The following CLDN10 variants were observed in gnomAD, a reference collection of about 807,000 sequenced individuals.
The protein encoded by CLDN10 is claudin-10.
CLDN10 carries 15 observed loss-of-function variants against 22.9 expected under a neutral mutation model. The ratio of observed to expected loss-of-function variants is 0.65; its 90% CI spans 0.44 to 1.01. The LOEUF (loss-of-function observed/expected upper bound fraction) is 1.01, where lower values mean the gene tolerates loss of function less well. CLDN10 is among the 50% of genes least tolerant of loss of function. CLDN10 has a pLI of 0.00. For synonymous variants in CLDN10, 114 were observed against 111.4 expected (o/e 1.02, Z -0.15); for missense variants, 247 against 287.8 (o/e 0.86, Z 1.03).
chr13:95,573,624 G>A (rs563796863), intron 3 of CLDN10, among the ~76,000 whole-genome samples: 1 of 152,184 alleles, frequency 6.6e-6, no homozygotes, highest in Non-Finnish European at 1.5e-5. Context: ...GAACAAACTG[G>A]AGTGGATATT....
At chr13:95,523,558 T>C (rs1197907323) in intron 1 of CLDN10, among the ~76,000 whole-genome samples, 1 of 152,148 alleles carries the variant, frequency 6.6e-6, no homozygotes, top group Admixed American at 6.5e-5. Flanking sequence ...GATCTACTGA[T>C]AGCCAATTAT....
At chr13:95,447,742 CGT>C (rs5805934) in intron 1 of CLDN10, among the ~76,000 whole-genome samples, 50,974 of 147,248 alleles carry the variant, frequency 0.35, 8,605 homozygotes, top group Non-Finnish European at 0.37. Flanking sequence ...AGTGCACATG[CGT>C]GTGTGTGTGT....
chr13:95,554,911 C>T (rs1172894412), intron 1 of CLDN10, among the ~76,000 whole-genome samples: 1 of 152,112 alleles, frequency 6.6e-6, no homozygotes, highest in African/African-American at 2.4e-5. Flanking sequence ...GACTCCATTC[C>T]ACTGAGAAAT....
Position 95,560,413 on chromosome 13 carries a change from T to G in CLDN10, c.414T>G (p.Tyr138Ter), listed in dbSNP as rs1278937296. Residue 138 changes from tyrosine (Y) to a stop codon, truncating the protein, a stop_gained, in exon 3 of 5, where the codon TAT (tyrosine) becomes TAG (stop). Coordinates refer to ENST00000299339, the MANE Select transcript of CLDN10 (RefSeq NM_006984.5). LOFTEE classifies it high-confidence loss of function. The part of the protein sequence containing the change: ...GLCSMTGCSL[Y>*]ANKITTEFFD... ...GCTCAATGACTGGATGTTCCCTATATGCAAACAAAATCACAACGGAATTCT... is the reference window on the plus strand; with the variant it reads ...GCTCAATGACTGGATGTTCCCTATAGGCAAACAAAATCACAACGGAATTCT... The G allele has an allele frequency of 2.5e-6, 4 of 1,613,994 alleles. No homozygotes were observed. The highest frequency in any genetic ancestry group is 3.4e-6 in the Non-Finnish European group (4 of 1,179,950).
chr13:95,439,900 T>C lies in CLDN10; in HGVS notation c.214+5853T>C, dbSNP rs2042308244. ...AATGAGGGAAAATTAGTAAGTTAGA[T>C]GCCTCCAAAATATTAACCCTTTTTT... On this transcript the variant is annotated intron_variant, in intron 1 of 4. Transcript: ENST00000376873. 2.7e-5 allele frequency among the ~76,000 whole-genome samples: 4 copies of C among 149,664 alleles called. No individual in the cohort carries two copies. The South Asian group carries it at 8.7e-4, about 32-fold the overall frequency.
intron 1 of CLDN10, among the ~76,000 whole-genome samples, chr13:95,484,688 C>CAAAA (rs144818972): frequency 8.0e-6 from 1 of 124,496 alleles, no homozygotes; most frequent in Non-Finnish European, 1.7e-5. Flanking sequence ...ACTAAAAATA[C>CAAAA]AAAAAAAAAA....
At chr13:95,537,449 A>G (rs2043412831) in intron 1 of CLDN10, among the ~76,000 whole-genome samples, 1 of 152,180 alleles carries the variant, frequency 6.6e-6, no homozygotes, top group African/African-American at 2.4e-5. Flanking sequence ...GAGTCCCACC[A>G]TAATTTGTGT....
intron 1 of CLDN10, among the ~76,000 whole-genome samples, chr13:95,522,039 G>A (rs1399766202): frequency 6.6e-6 from 1 of 151,644 alleles, no homozygotes; most frequent in Non-Finnish European, 1.5e-5. Context: ...CCATTTGTTT[G>A]TGCTGCTTCT....
At chr13:95,577,419 G>T in intron 4 of CLDN10, 81 bp downstream of exon 4, 1 of 907,994 alleles carries the variant, frequency 1.1e-6, no homozygotes. Context: ...ATTACAGATA[G>T]TTCATATGAT....
At chr13:95,509,615 GA>G (rs2043074660) in intron 1 of CLDN10, among the ~76,000 whole-genome samples, 1 of 152,180 alleles carries the variant, frequency 6.6e-6, no homozygotes, top group Non-Finnish European at 1.5e-5. Context: ...GTGTCAGACC[GA>G]ATATAAGCAG....
chr13:95,476,061 G>A (rs1221417237), intron 1 of CLDN10, among the ~76,000 whole-genome samples: 4 of 152,166 alleles, frequency 2.6e-5, no homozygotes, highest in Non-Finnish European at 4.4e-5. Context: ...GGCACTTGTG[G>A]TGATAGGACA....
intron 1 of CLDN10, among the ~76,000 whole-genome samples, chr13:95,547,386 C>G (rs1306340213): frequency 6.6e-6 from 1 of 152,136 alleles, no homozygotes; most frequent in Non-Finnish European, 1.5e-5. Flanking sequence ...ATTTGCAATA[C>G]ACTTCAGCCT....
At position 95,571,863 on chromosome 13, in the gene CLDN10, G is replaced by A. The variant is rs1463983874; in HGVS notation, c.465-5368G>A. ...AAAAAAACCTATGTAGTTATTTTAA[G>A]GTAATTGGAAAATGCATTTTGGCTG... On this transcript the variant is annotated intron_variant, in intron 3 of 4. Coordinates refer to ENST00000299339, the MANE Select transcript of CLDN10 (RefSeq NM_006984.5). Among the ~76,000 whole-genome samples the A allele has an allele frequency of 2.0e-5, 3 of 152,096 alleles. No homozygotes were observed. The East Asian group carries it at 5.8e-4, about 29-fold the overall frequency.
intron 1 of CLDN10, among the ~76,000 whole-genome samples, chr13:95,467,530 G>A (rs199961872): frequency 1.5e-5 from 1 of 66,654 alleles, no homozygotes; most frequent in African/African-American, 4.6e-5. Context: ...TGTTTTTTTT[G>A]GGGGGGGCAA....
chr13:95,460,126 T>A (rs1007367251), intron 1 of CLDN10, among the ~76,000 whole-genome samples: 1 of 152,222 alleles, frequency 6.6e-6, no homozygotes, highest in South Asian at 2.1e-4. Flanking sequence ...CATCTCCATC[T>A]GAGACCACCT....
At chr13:95,494,705 A>C (rs1236471853) in intron 1 of CLDN10, among the ~76,000 whole-genome samples, 1 of 152,182 alleles carries the variant, frequency 6.6e-6, no homozygotes, top group Non-Finnish European at 1.5e-5. Context: ...TCTGAATAAA[A>C]CAGTTGCTTT....
At chr13:95,472,256 A>C (rs190328738) in intron 1 of CLDN10, among the ~76,000 whole-genome samples, 6 of 152,332 alleles carry the variant, frequency 3.9e-5, no homozygotes, top group Non-Finnish European at 5.9e-5. Flanking sequence ...CTCCCACTAC[A>C]GAGCTCATAA....
At chr13:95,575,796 AGAGT>A (rs1250139624) in intron 3 of CLDN10, among the ~76,000 whole-genome samples, 7 of 152,350 alleles carry the variant, frequency 4.6e-5, no homozygotes, top group South Asian at 2.1e-4. Context: ...AGGCAACACA[AGAGT>A]GAGTAAAGAA....
chr13:95,460,934 C>T (rs981551496), intron 1 of CLDN10, among the ~76,000 whole-genome samples: 1 of 152,016 alleles, frequency 6.6e-6, no homozygotes, highest in Non-Finnish European at 1.5e-5. Flanking sequence ...CATGGTGAAA[C>T]CCCATCTCTA....
Sources: gnomAD v4.1 joint callset for allele counts (sites outside exome capture counted in the v4.1 genomes callset) on GRCh38, gnomAD v4.1.1 for gene constraint, MANE v1.5 for transcripts, NCBI Gene and HGNC (gene_info 2026-07-23, HGNC 2026-07-21) for gene names.